CCSER1: variants seen among roughly 807,000 people sequenced by gnomAD.
The protein encoded by CCSER1 is coiled-coil serine rich protein 1, also known as serine-rich coiled-coil domain-containing protein 1.
A neutral mutation model predicts 82.0 loss-of-function variants in CCSER1; 41 were observed. The observed-to-expected ratio is 0.50, with a 90% confidence interval of 0.39 to 0.65. The LOEUF is 0.65. CCSER1 is among the 30% of genes least tolerant of loss of function. CCSER1 has a pLI of 0.00. For missense variants in CCSER1, 1,119 were observed against 1,064.2 expected (o/e 1.05, Z -0.72); for synonymous variants, 414 against 383.9 (o/e 1.08, Z -0.92).
At chr4:90,237,626 A>G (rs766618360) in intron 1 of CCSER1, among the ~76,000 whole-genome samples, 3 of 152,208 alleles carry the variant, frequency 2.0e-5, no homozygotes, top group Non-Finnish European at 4.4e-5. Flanking sequence ...AATTAAAACC[A>G]TAACTATATG....
chr4:90,848,513 A>C (rs1328228550), intron 8 of CCSER1, among the ~76,000 whole-genome samples: 1 of 152,182 alleles, frequency 6.6e-6, no homozygotes, highest in Non-Finnish European at 1.5e-5. Context: ...ACATTCTAAA[A>C]TAATCTTTTC....
intron 7 of CCSER1, among the ~76,000 whole-genome samples, chr4:90,774,831 A>G (rs534309925): frequency 3.3e-5 from 5 of 152,230 alleles, no homozygotes; most frequent in Non-Finnish European, 2.9e-5. Flanking sequence ...AACACTTCCT[A>G]ATGAATTATA....
At chr4:90,393,340 T>G (rs928980675) in intron 3 of CCSER1, among the ~76,000 whole-genome samples, 7 of 152,190 alleles carry the variant, frequency 4.6e-5, no homozygotes, top group African/African-American at 1.7e-4. Flanking sequence ...ATAATAAAAC[T>G]GTGTTTCCCT....
At chr4:91,473,728 A>G (rs561652506) in intron 10 of CCSER1, among the ~76,000 whole-genome samples, 2 of 152,212 alleles carry the variant, frequency 1.3e-5, no homozygotes, top group South Asian at 4.2e-4. Flanking sequence ...GCACTCAGAA[A>G]ATCATGGCTA....
At chr4:90,799,276 G>A (rs1356143733) in intron 7 of CCSER1, among the ~76,000 whole-genome samples, 1 of 152,168 alleles carries the variant, frequency 6.6e-6, no homozygotes, top group Non-Finnish European at 1.5e-5. Context: ...GCAGGGTGCT[G>A]GCAGGGGAGA....
intron 8 of CCSER1, among the ~76,000 whole-genome samples, chr4:90,914,777 T>C (rs990341185): frequency 1.4e-5 from 2 of 142,500 alleles, no homozygotes; most frequent in African/African-American, 5.2e-5. Flanking sequence ...GCAATACTAA[T>C]AAAGAAGAAA....
chr4:90,320,076 G>A (rs1037927), intron 3 of CCSER1, among the ~76,000 whole-genome samples: 46,238 of 151,898 alleles, frequency 0.3, 7,194 homozygotes, highest in East Asian at 0.44. Flanking sequence ...TATCATGGAC[G>A]TAACACTCAC....
At chr4:90,931,454 T>C (rs1344720571) in intron 9 of CCSER1, among the ~76,000 whole-genome samples, 3 of 152,164 alleles carry the variant, frequency 2.0e-5, no homozygotes, top group Non-Finnish European at 4.4e-5. Flanking sequence ...GATTTCTTTT[T>C]AAGGTGGTAT....
rs574825058 is a variant in CCSER1, at chr4:91,253,301, T to C, written c.2217+167307T>C. On this transcript the variant is annotated intron_variant, in intron 10 of 10. Coordinates refer to ENST00000509176, the MANE Select transcript of CCSER1 (RefSeq NM_001145065.2). ...TCTCTGGCTTACTTTAAGAATACAT[T>C]ATATAATTTATATAATATACAAAAT... Among the ~76,000 whole-genome samples, 4 of 152,270 alleles carry C rather than the reference T, an allele frequency of 2.6e-5. No homozygotes were observed. In the South Asian group the frequency reaches 8.3e-4, roughly 31 times the overall value.
At chr4:90,334,761 T>C (rs1387689772) in intron 3 of CCSER1, among the ~76,000 whole-genome samples, 2 of 152,168 alleles carry the variant, frequency 1.3e-5, no homozygotes, top group Non-Finnish European at 2.9e-5. Context: ...AGGACACCAA[T>C]GAATTATTTA....
intron 10 of CCSER1, among the ~76,000 whole-genome samples, chr4:91,275,184 AT>A (rs1319295792): frequency 6.6e-6 from 1 of 151,734 alleles, no homozygotes; most frequent in East Asian, 1.9e-4. Context: ...TGGTAGTTCT[AT>A]TTATCGTTTT....
intron 10 of CCSER1, among the ~76,000 whole-genome samples, chr4:91,573,171 C>T (rs1763276586): frequency 6.6e-6 from 1 of 152,200 alleles, no homozygotes; most frequent in South Asian, 2.1e-4. Context: ...TTGGCTTGTA[C>T]TCCAAAACCT....
At chr4:90,191,923 T>C (rs1011257374) in intron 1 of CCSER1, among the ~76,000 whole-genome samples, 1 of 152,062 alleles carries the variant, frequency 6.6e-6, no homozygotes, top group Non-Finnish European at 1.5e-5. Flanking sequence ...TGCATTGAGT[T>C]AGCTTATGTA....
intron 1 of CCSER1, among the ~76,000 whole-genome samples, chr4:90,184,495 AC>A (rs1734262108): frequency 6.6e-6 from 1 of 152,066 alleles, no homozygotes; most frequent in African/African-American, 2.4e-5. Context: ...TGATAGTAGA[AC>A]CTCAGACAAA....
In CCSER1 at chr4:90,309,400, A is replaced by G; in HGVS notation, c.1116A>G (p.Glu372=). The part of the protein sequence containing the change: ...HSESNLPADS[E]REENIGLQNG... Reference sequence around the variant, plus strand: ...AGAGTAACCTACCAGCAGATAGTGAAAGAGAAGAAAATATAGGGTTACAAA... The same window carrying G: ...AGAGTAACCTACCAGCAGATAGTGAGAGAGAAGAAAATATAGGGTTACAAA... Residue 372 remains glutamate, a synonymous_variant, in exon 2 of 11, where the codon GAA becomes GAG. Transcript: ENST00000509176. 1 of 1,613,872 alleles carries G rather than the reference A, an allele frequency of 6.2e-7. No individual in the cohort carries two copies. The highest frequency in any genetic ancestry group is 8.5e-7 in the Non-Finnish European group (1 of 1,179,800).
chr4:91,424,049 G>A (rs1448819165), intron 10 of CCSER1, among the ~76,000 whole-genome samples: 3 of 112,698 alleles, frequency 2.7e-5, no homozygotes, highest in African/African-American at 3.5e-5. Context: ...TCGCTCTGTC[G>A]CCCAGGCCGG....
chr4:90,144,862 C>T (rs1725507123), intron 1 of CCSER1, among the ~76,000 whole-genome samples: 1 of 152,032 alleles, frequency 6.6e-6, no homozygotes, highest in South Asian at 2.1e-4. Flanking sequence ...TAATTGTTTA[C>T]TTTTTGTATT....
chr4:91,150,417 A>T (rs996005519), intron 10 of CCSER1, among the ~76,000 whole-genome samples: 1 of 152,202 alleles, frequency 6.6e-6, no homozygotes, highest in Non-Finnish European at 1.5e-5. Context: ...CAATCATGTC[A>T]TCTGCAAACA....
chr4:90,344,183 C>T (rs901055365), intron 3 of CCSER1, among the ~76,000 whole-genome samples: 10 of 152,134 alleles, frequency 6.6e-5, no homozygotes, highest in Admixed American at 5.2e-4. Context: ...ACATAATGAC[C>T]TCCAGTTCCA....
Sources: gnomAD v4.1 joint callset for allele counts (sites outside exome capture counted in the v4.1 genomes callset) on GRCh38, gnomAD v4.1.1 for gene constraint, MANE v1.5 for transcripts, NCBI Gene and HGNC (gene_info 2026-07-23, HGNC 2026-07-21) for gene names.